The following HEATR5A variants were observed in gnomAD, a reference collection of about 807,000 sequenced individuals.
The protein encoded by HEATR5A is HEAT repeat-containing protein 5A.
Under a neutral mutation model 218.8 loss-of-function variants are expected in HEATR5A, and 178 were observed. That is an observed-to-expected ratio of 0.81 (90% CI 0.72 to 0.92). The LOEUF (loss-of-function observed/expected upper bound fraction) is 0.92. Ranked by LOEUF, HEATR5A falls within the 40% of genes least tolerant of loss-of-function variation. The pLI is 0.00. For synonymous variants in HEATR5A, 864 were observed against 871.6 expected (o/e 0.99, Z 0.15); for missense variants, 2,420 against 2,418.9 (o/e 1.00, Z -0.01).
chr14:31,302,634 T>A, intron 32 of HEATR5A, 115 bp from the exon 33 acceptor site: 1 of 698,284 alleles, frequency 1.4e-6, no homozygotes, highest in South Asian at 1.9e-5. Flanking sequence ...AAAGATGATT[T>A]CTAATAAAGA....
At chr14:31,349,727 C>T in intron 18 of HEATR5A, 62 bp downstream of exon 18, 2 of 1,111,602 alleles carry the variant, frequency 1.8e-6, no homozygotes, top group Non-Finnish European at 2.6e-6. Context: ...TTCCAACAAG[C>T]CAGAAAGCTA....
intron 20 of HEATR5A, 71 bp from the exon 21 acceptor site, chr14:31,344,136 G>T: frequency 1.1e-6 from 1 of 917,012 alleles, no homozygotes; most frequent in Non-Finnish European, 1.5e-6. Flanking sequence ...TATATTACAG[G>T]TTTTAAAATT....
At position 31,358,992 on chromosome 14, in the gene HEATR5A, C is replaced by T. The variant is rs755041656; in HGVS notation, c.2137G>A (p.Ala713Thr). 6.3e-7 allele frequency: 1 copy of T among 1,589,222 alleles called. No homozygotes were observed. The highest frequency in any genetic ancestry group is 8.5e-7 in the Non-Finnish European group (1 of 1,174,302). Residue 713 changes from alanine (A) to threonine (T), a missense_variant, in exon 15 of 36, where the codon GCA (alanine) becomes ACA (threonine). Transcript: ENST00000543095. ...DLTAPDIQVA[A>T]STFLLPPLCH... is the part of the protein sequence containing the mutation. ...AGGGGTGGAAGTAAAAATGTAGATG[C>T]TGCCACCTGAATATCAGGGGCAGTC... is the stretch of plus-strand genomic sequence containing the variant.
chr14:31,338,999 AATCCCTGCT>A (rs1900753425), intron 21 of HEATR5A, among the ~76,000 whole-genome samples: 1 of 151,734 alleles, frequency 6.6e-6, no homozygotes, highest in African/African-American at 2.4e-5. Flanking sequence ...AGGTGTCTGT[AATCCCTGCT>A]ACTCGGGAGG....
chr14:31,419,227 T>G (rs1345942281), intron 1 of HEATR5A, among the ~76,000 whole-genome samples: 2 of 152,064 alleles, frequency 1.3e-5, no homozygotes, highest in Admixed American at 1.3e-4. Context: ...CATACTACAG[T>G]ATTCTCCAAC....
At chr14:31,317,512 T>C (rs1899951813) in intron 26 of HEATR5A, among the ~76,000 whole-genome samples, 2 of 151,972 alleles carry the variant, frequency 1.3e-5, no homozygotes. Context: ...GCCAGGCTGG[T>C]CTCTAACTCC....
chr14:31,396,946 A>C (rs2030678137), intron 4 of HEATR5A, among the ~76,000 whole-genome samples: 1 of 152,246 alleles, frequency 6.6e-6, no homozygotes, highest in African/African-American at 2.4e-5. Context: ...AGGAGGAAGA[A>C]AGTTTAAAAT....
intron 22 of HEATR5A, among the ~76,000 whole-genome samples, chr14:31,331,075 G>T (rs1016212259): frequency 6.6e-6 from 1 of 150,928 alleles, no homozygotes; most frequent in African/African-American, 2.4e-5. Context: ...CCCAGTAGCT[G>T]GGGTTACAGG....
At chr14:31,359,979 T>C (rs142944370) in intron 14 of HEATR5A, among the ~76,000 whole-genome samples, 9 of 152,052 alleles carry the variant, frequency 5.9e-5, no homozygotes, top group African/African-American at 2.2e-4. Context: ...TCCATAAATA[T>C]TTCACCGTGT....
rs770415599 is a variant in HEATR5A, at chr14:31,293,260, T to C, written c.*45A>G. ...TCCCTTTTGTCACCAAAGGCAATGA[T>C]CAAGTATTTATTATATTAAGGTGCT... On this transcript the variant is annotated 3_prime_UTR_variant, in exon 36 of 36. Coordinates refer to ENST00000543095, the MANE Select transcript of HEATR5A (RefSeq NM_015473.4). 7.0e-7 allele frequency: 1 copy of C among 1,423,488 alleles called. No individual in the cohort carries two copies. The highest frequency in any genetic ancestry group is 1.4e-5 in the South Asian group (1 of 73,186). The allele number at this position is 1,423,488 out of a possible 1,614,324, so 88.2% of individuals were successfully genotyped here.
At chr14:31,375,075 G>T in intron 11 of HEATR5A, 107 bp from the exon 12 acceptor site, 1 of 927,042 alleles carries the variant, frequency 1.1e-6, no homozygotes. Context: ...ATTCATTATT[G>T]CAACATTTTG....
chr14:31,359,077 G>A lies in HEATR5A; in HGVS notation c.2072-20C>T. The A allele has an allele frequency of 6.3e-7, 1 of 1,590,552 alleles. No individual in the cohort carries two copies. The highest frequency in any genetic ancestry group is 8.5e-7 in the Non-Finnish European group (1 of 1,174,742). On this transcript the variant is annotated intron_variant, in intron 14 of 35. Coordinates refer to ENST00000543095, the MANE Select transcript of HEATR5A (RefSeq NM_015473.4). The stretch of plus-strand genomic sequence containing the variant: ...GGTTTCCTGTTGAGTCACAGAAAAA[G>A]AGCAATTAGTACTATTAATTATCTG...
intron 22 of HEATR5A, chr14:31,334,513 G>T: frequency 4.5e-6 from 2 of 449,112 alleles, no homozygotes. Flanking sequence ...TGATAAAGTG[G>T]TAGCAGGTTT....
Position 31,383,669 on chromosome 14 carries a change from T to G in HEATR5A, c.1448A>C (p.Tyr483Ser), listed in dbSNP as rs2030087824. 1.2e-6 allele frequency: 2 copies of G among 1,613,622 alleles called. No individual in the cohort carries two copies. The highest frequency in any genetic ancestry group is 1.7e-6 in the Non-Finnish European group (2 of 1,179,844). The change falls in exon 10 of 36, where the codon TAC becomes TCC. Residue 483 changes from tyrosine (Y) to serine (S), a missense_variant. Transcript: ENST00000543095. The part of the protein sequence containing the change: ...LHCIAVALPS[Y>S]LTPLLDRCLE... ...GCAACGATCCAAGAGTGGTGTTAGGTAGGAGGGTAATGCCACGGCAATGCA... is the reference window on the plus strand; with the variant it reads ...GCAACGATCCAAGAGTGGTGTTAGGGAGGAGGGTAATGCCACGGCAATGCA...
chr14:31,324,227 TG>T (rs145656873), intron 23 of HEATR5A, among the ~76,000 whole-genome samples: 4,980 of 152,130 alleles, frequency 0.033, 254 homozygotes, highest in African/African-American at 0.11. Context: ...GAGCCTTGCA[TG>T]GATTTCAGGA....
intron 33 of HEATR5A, among the ~76,000 whole-genome samples, chr14:31,299,238 T>TTCAAC (rs1361138116): frequency 2.0e-5 from 3 of 152,174 alleles, no homozygotes; most frequent in Non-Finnish European, 4.4e-5. Flanking sequence ...ATCCTACGCT[T>TTCAAC]TCAACTCCTA....
In HEATR5A at chr14:31,407,000, A is replaced by C. The variant is rs367775758; in HGVS notation, c.-74-3951T>G. On this transcript the variant is annotated intron_variant, in intron 1 of 35. Transcript: ENST00000543095. ...CTCAAAAAAAAAAAAAAAAAAAGCG[A>C]GAAGTAGGGCCGGGCACAGTGGCTC... 8.6e-3 allele frequency among the ~76,000 whole-genome samples: 1,282 copies of C among 149,520 alleles called. 24 individuals carry two copies. The highest frequency in any genetic ancestry group is 0.03 in the African/African-American group (1,211 of 40,586).
At chr14:31,362,436 T>C (rs1470834036) in intron 14 of HEATR5A, among the ~76,000 whole-genome samples, 1 of 151,752 alleles carries the variant, frequency 6.6e-6, no homozygotes, top group African/African-American at 2.4e-5. Context: ...TTCAAGACTT[T>C]TTCCTCTAAT....
At chr14:31,370,524 A>T (rs1052602020) in intron 13 of HEATR5A, among the ~76,000 whole-genome samples, 1 of 152,226 alleles carries the variant, frequency 6.6e-6, no homozygotes, top group African/African-American at 2.4e-5. Flanking sequence ...GAACACTGAA[A>T]AATAATTTGG....
Sources: allele counts gnomAD v4.1 joint callset (sites outside exome capture counted in the v4.1 genomes callset), GRCh38; gene constraint gnomAD v4.1.1; transcripts MANE v1.5; gene names NCBI Gene and HGNC (gene_info 2026-07-23, HGNC 2026-07-21).